Variants in ST3GAL1 observed in about 807,000 individuals in gnomAD.
ST3GAL1 encodes ST3 beta-galactoside alpha-2,3-sialyltransferase 1, also known as CMP-N-acetylneuraminate-beta-galactosamide-alpha-2,3-sialyltransferase 1.
ST3GAL1 carries 16 observed loss-of-function variants against 34.1 expected under a neutral mutation model. The ratio of observed to expected loss-of-function variants is 0.47; its 90% CI spans 0.32 to 0.71. The LOEUF (loss-of-function observed/expected upper bound fraction) is 0.71, where lower values mean the gene tolerates loss of function less well. Ranked by LOEUF, ST3GAL1 falls within the 30% of genes least tolerant of loss-of-function variation. ST3GAL1 has a pLI of 0.04. For missense variants in ST3GAL1, 353 were observed against 447.4 expected, an observed-to-expected ratio of 0.79 and a Z score of 1.90; for synonymous variants, 191 against 184.7, an observed-to-expected ratio of 1.03 and a Z score of -0.28.
Position 133,469,370 on chromosome 8 carries a change from C to T in ST3GAL1, c.307-3280G>A, listed in dbSNP as rs1815863257. 6.6e-6 allele frequency among the ~76,000 whole-genome samples: 1 copy of T among 152,030 alleles called. No homozygotes were observed. Among genetic ancestry groups the T allele is most frequent in the South Asian group, 2.1e-4 (1 of 4,820 alleles). On this transcript the variant is annotated intron_variant, in intron 5 of 9. Coordinates refer to ENST00000522652, the MANE Select transcript of ST3GAL1 (RefSeq NM_173344.3). The surrounding 1 kb of genome is among the most constrained non-coding windows in gnomAD (Gnocchi z 4.3). Reference sequence around the variant, plus strand: ...AGCAGCTGGGATTACAGGTGTGCACCACTGTGCCTGGCTAATTTTTGTATT... The same window carrying T: ...AGCAGCTGGGATTACAGGTGTGCACTACTGTGCCTGGCTAATTTTTGTATT...
At chr8:133,555,600 G>A (rs942147357) in intron 1 of ST3GAL1, among the ~76,000 whole-genome samples, 3 of 152,166 alleles carry the variant, frequency 2.0e-5, no homozygotes, top group Non-Finnish European at 2.9e-5. Flanking sequence ...CATTCTGCAG[G>A]AAGGAAAAGA....
rs1258700563 is a variant in ST3GAL1 at position 133,475,929 on chromosome 8, C to T, written c.96G>A (p.Met32Ile). 6.2e-7 allele frequency: 1 copy of T among 1,613,978 alleles called. No homozygotes were observed. Among genetic ancestry groups the T allele is most frequent in the Admixed American group, 1.7e-5 (1 of 60,014 alleles). Residue 32 changes from methionine (M) to isoleucine (I), a missense_variant, in exon 5 of 10, where the codon ATG becomes ATA. Met to Ile is a conservative substitution (Grantham distance 10, BLOSUM62 1). Transcript: ENST00000522652. ...TSFFLNYSHT[M>I]VATTWFPKQM... Reference sequence around the variant, plus strand: ...GCTTGGGGAACCAGGTGGTGGCCACCATGGTGTGGGAGTAGTTCAGGAAGA... The same window carrying T: ...GCTTGGGGAACCAGGTGGTGGCCACTATGGTGTGGGAGTAGTTCAGGAAGA...
At chr8:133,498,489 A>T (rs1586619970) in intron 3 of ST3GAL1, among the ~76,000 whole-genome samples, 1 of 150,988 alleles carries the variant, frequency 6.6e-6, no homozygotes, top group African/African-American at 2.4e-5. Flanking sequence ...AGATCTGTCA[A>T]CCTCGTGTTT....
chr8:133,567,379 C>T (rs1819432608), intron 1 of ST3GAL1: 1 of 152,180 alleles, frequency 6.6e-6, no homozygotes, highest in African/African-American at 2.4e-5. Flanking sequence ...ACAACCCAAC[C>T]ACCACCAATA....
rs539311382 is a variant in ST3GAL1 at position 133,481,669 on chromosome 8, T to C, written c.-373-5069A>G. On this transcript the variant is annotated intron_variant, in intron 3 of 9. Transcript: ENST00000522652. ...TGCCACCATGCCTGGCTAATTTTTGTATTTTTAGTAGAGACGAGGTTTCTC... is the reference window on the plus strand; with the variant it reads ...TGCCACCATGCCTGGCTAATTTTTGCATTTTTAGTAGAGACGAGGTTTCTC... Among the ~76,000 whole-genome samples, 128 of 152,212 alleles carry C rather than the reference T, an allele frequency of 8.4e-4. 4 individuals are homozygous for C. In the South Asian group the frequency reaches 0.025, roughly 29 times the overall value.
intron 2 of ST3GAL1, among the ~76,000 whole-genome samples, chr8:133,530,674 C>T (rs919598525): frequency 6.6e-6 from 1 of 152,138 alleles, no homozygotes; most frequent in African/African-American, 2.4e-5. Context: ...TGAGAGTTTT[C>T]AAAGGCTAAG....
chr8:133,499,759 G>C (rs79904707), intron 2 of ST3GAL1, among the ~76,000 whole-genome samples: 2 of 152,056 alleles, frequency 1.3e-5, no homozygotes, highest in African/African-American at 4.8e-5. Flanking sequence ...ACCGAAGCTC[G>C]GAGGTCGAGC....
chr8:133,498,864 C>T (rs1247615008), intron 3 of ST3GAL1, among the ~76,000 whole-genome samples: 2 of 152,162 alleles, frequency 1.3e-5, no homozygotes, highest in Non-Finnish European at 2.9e-5. Flanking sequence ...ACAGTGAGCT[C>T]GATCCTGAAC....
In ST3GAL1 at chr8:133,557,861, T is replaced by C. The variant is rs575015929; in HGVS notation, c.-581-11935A>G. On this transcript the variant is annotated intron_variant, in intron 1 of 9. Transcript: ENST00000522652. ...CGGAGGTTGCAGTGAGCTGAGATCA[T>C]GCCACTGCACTCCAGCCTGGGCAAC... 1.1e-3 allele frequency among the ~76,000 whole-genome samples: 157 copies of C among 141,966 alleles called. 1 individual carries two copies. Among genetic ancestry groups the C allele is most frequent in the Non-Finnish European group, 1.7e-3 (116 of 67,028 alleles). 93.1% of individuals were successfully genotyped at this position (141,966 alleles called of 152,430 possible).
intron 5 of ST3GAL1, 37 bp downstream of exon 5, chr8:133,475,682 C>G: frequency 6.5e-7 from 1 of 1,529,094 alleles, no homozygotes; most frequent in East Asian, 2.3e-5. Flanking sequence ...CACACCCCAA[C>G]TCTCAGCCCA....
intron 2 of ST3GAL1, among the ~76,000 whole-genome samples, chr8:133,524,753 C>T (rs1477341398): frequency 6.6e-6 from 1 of 152,260 alleles, no homozygotes; most frequent in Admixed American, 6.5e-5. Context: ...CCACACATGG[C>T]TTCTGCTGCA....
At chr8:133,486,455 G>A (rs1278117915) in intron 3 of ST3GAL1, among the ~76,000 whole-genome samples, 1 of 152,162 alleles carries the variant, frequency 6.6e-6, no homozygotes, top group Non-Finnish European at 1.5e-5. Context: ...TCTCATGGCC[G>A]AGCCAGGCCT....
intron 3 of ST3GAL1, among the ~76,000 whole-genome samples, chr8:133,484,315 G>A (rs1037130914): frequency 1.3e-5 from 2 of 152,198 alleles, no homozygotes; most frequent in South Asian, 2.1e-4. Flanking sequence ...AGAGTTAAGT[G>A]CATAAATGCT....
intron 1 of ST3GAL1, among the ~76,000 whole-genome samples, chr8:133,548,250 C>A (rs976023131): frequency 1.3e-5 from 2 of 152,226 alleles, no homozygotes; most frequent in African/African-American, 2.4e-5. Context: ...CTCTTGGCAG[C>A]AGCCAGGGGG....
intron 2 of ST3GAL1, among the ~76,000 whole-genome samples, chr8:133,542,779 C>CAAAA (rs35321251): frequency 7.0e-5 from 6 of 85,492 alleles, no homozygotes; most frequent in African/African-American, 1.4e-4. Flanking sequence ...TCCTCCATCT[C>CAAAA]AAAAAAAAAA....
intron 7 of ST3GAL1, among the ~76,000 whole-genome samples, chr8:133,463,666 C>T (rs1815607624): frequency 6.6e-6 from 1 of 152,292 alleles, no homozygotes; most frequent in Middle Eastern, 3.4e-3. Context: ...ACGGCCTTTC[C>T]TAATTTGAGG....
intron 2 of ST3GAL1, among the ~76,000 whole-genome samples, chr8:133,507,951 T>C (rs978212552): frequency 1.3e-5 from 2 of 152,086 alleles, no homozygotes; most frequent in Non-Finnish European, 2.9e-5. Flanking sequence ...CAGCTGTCCC[T>C]TGATCCAGAG....
chr8:133,471,794 C>T (rs1033464160), intron 5 of ST3GAL1, among the ~76,000 whole-genome samples: 3 of 151,846 alleles, frequency 2.0e-5, no homozygotes, highest in South Asian at 4.2e-4. Flanking sequence ...TGGTGCTAGG[C>T]GCCGGGTGGA....
In ST3GAL1 at chr8:133,571,185, C is replaced by A. The variant is rs1257450436; in HGVS notation, c.-582+508G>T. ...CACGGCCGCTCGTCCAGAACACTGG[C>A]GGCCTCCGCGGTGTCCCAGCCTGTG... is the stretch of plus-strand genomic sequence containing the variant. On this transcript the variant is annotated intron_variant, in intron 1 of 9. Transcript: ENST00000522652. The surrounding 1 kb of genome is among the most constrained non-coding windows in gnomAD (Gnocchi z 6.7). Among the ~76,000 whole-genome samples, 1 of 152,332 alleles carries A rather than the reference C, an allele frequency of 6.6e-6. No individual in the cohort carries two copies. The highest frequency in any genetic ancestry group is 1.9e-4 in the East Asian group (1 of 5,162).
Sources: gnomAD v4.1 joint callset for allele counts (sites outside exome capture counted in the v4.1 genomes callset) on GRCh38, gnomAD v4.1.1 for gene constraint, Gnocchi (gnomAD v3.1) non-coding constraint, MANE v1.5 for transcripts, NCBI Gene and HGNC (gene_info 2026-07-23, HGNC 2026-07-21) for gene names.